Variants in ZFHX3 observed in about 807,000 individuals in gnomAD.
ZFHX3 encodes zinc finger homeobox protein 3.
Under a neutral mutation model 279.1 loss-of-function variants are expected in ZFHX3, and 42 were observed. The ratio of observed to expected loss-of-function variants is 0.15; its 90% CI spans 0.12 to 0.19. ZFHX3 has a LOEUF of 0.19. Ranked by LOEUF, ZFHX3 falls within the 10% of genes least tolerant of loss-of-function variation. The probability of loss-of-function intolerance (pLI) is 1.00; values close to 1 mark genes in which losing one functional copy is unlikely to be tolerated. For missense variants in ZFHX3, 4,981 were observed against 4,754.0 expected, an observed-to-expected ratio of 1.05 and a Z score of -1.40; for synonymous variants, 2,293 against 1,957.8, an observed-to-expected ratio of 1.17 and a Z score of -4.52.
intron 5 of ZFHX3, among the ~76,000 whole-genome samples, chr16:73,234,603 C>A (rs114565730): frequency 0.014 from 2,107 of 152,328 alleles, 56 homozygotes; most frequent in African/African-American, 0.049. Flanking sequence ...AGACAGCAGA[C>A]CACTTGAGGA....
At position 73,253,905 on chromosome 16, in the gene ZFHX3, G is replaced by A. The variant is rs141924817; in HGVS notation, c.-1104+3142C>T. Among the ~76,000 whole-genome samples the A allele has an allele frequency of 5.9e-3, 901 of 152,288 alleles. 31 individuals are homozygous for A. Among genetic ancestry groups the A allele is most frequent in the Admixed American group, 0.041 (635 of 15,302 alleles). On this transcript the variant is annotated intron_variant, in intron 5 of 17. Coordinates refer to the ZFHX3 transcript ENST00000641206. ...CTTAAAAGGCAGGTTAGAAATGCAA[G>A]AAGACTAAGAGAAAAAAAATTGCCT... is the stretch of plus-strand genomic sequence containing the variant.
chr16:72,991,145 T>C (rs1230536951), intron 1 of ZFHX3, among the ~76,000 whole-genome samples: 3 of 152,090 alleles, frequency 2.0e-5, no homozygotes, highest in African/African-American at 7.3e-5. Flanking sequence ...TACAGTACAG[T>C]AAGATATTCT....
At chr16:73,089,048 C>G (rs184758380) in intron 8 of ZFHX3, among the ~76,000 whole-genome samples, 8 of 151,844 alleles carry the variant, frequency 5.3e-5, no homozygotes, top group Admixed American at 2.6e-4. Flanking sequence ...CTCAGACAGA[C>G]ACTCACTTCC....
At position 73,026,684 on chromosome 16, in the gene ZFHX3, A is replaced by AAAAAAC. The variant is rs1964518981; in HGVS notation, c.-50+21067_-50+21068insGTTTTT. ...GAGCAAAACTGCCTCAAAAAAAAAA[A>AAAAAAC]AAAAAAAAAAACACATAGTAAAGGG... On this transcript the variant is annotated intron_variant, in intron 1 of 9. Coordinates refer to ENST00000268489, the MANE Select transcript of ZFHX3 (RefSeq NM_006885.4). Among the ~76,000 whole-genome samples, 4 of 151,672 alleles carry AAAAAAC rather than the reference A, an allele frequency of 2.6e-5. No homozygotes were observed. In the South Asian group the frequency reaches 8.3e-4, roughly 32 times the overall value.
At chr16:73,116,728 T>C (rs1172815491) in intron 7 of ZFHX3, among the ~76,000 whole-genome samples, 1 of 152,176 alleles carries the variant, frequency 6.6e-6, no homozygotes, top group African/African-American at 2.4e-5. Context: ...GAGAGGTTCT[T>C]TCCACCTGTG....
At chr16:72,940,826 T>G (rs1294938934) in intron 3 of ZFHX3, among the ~76,000 whole-genome samples, 1 of 152,210 alleles carries the variant, frequency 6.6e-6, no homozygotes, top group African/African-American at 2.4e-5. Context: ...GATAAACATT[T>G]CTAACCTTCT....
intron 1 of ZFHX3, among the ~76,000 whole-genome samples, chr16:73,786,354 T>G (rs9931913): frequency 0.097 from 14,707 of 152,174 alleles, 2,353 homozygotes; most frequent in African/African-American, 0.33. Context: ...TTCCCTCAAA[T>G]GTCTGGATAA....
Position 73,150,134 on chromosome 16 carries a change from G to A in ZFHX3, c.-1103-6303C>T, listed in dbSNP as rs368837217. On this transcript the variant is annotated intron_variant, in intron 5 of 17. Transcript: ENST00000641206. The stretch of plus-strand genomic sequence containing the variant: ...ACAGAAGAGTAGAACAGACACAACC[G>A]CAGATGCTGCTGGATGGAGGCTCCA... Among the ~76,000 whole-genome samples, 298 of 152,232 alleles carry A rather than the reference G, an allele frequency of 2.0e-3. 1 individual carries two copies. Among genetic ancestry groups the A allele is most frequent in the Non-Finnish European group, 3.5e-3 (238 of 68,018 alleles).
At chr16:73,712,147 T>C (rs1331031330) in intron 1 of ZFHX3, among the ~76,000 whole-genome samples, 2 of 152,184 alleles carry the variant, frequency 1.3e-5, no homozygotes, top group African/African-American at 4.8e-5. Flanking sequence ...CGGTTCATCA[T>C]GGGCCTTATT....
At position 72,875,170 on chromosome 16, in the gene ZFHX3, T is replaced by C. The variant is rs150296502; in HGVS notation, c.3448+14561A>G. Among the ~76,000 whole-genome samples the C allele has an allele frequency of 6.7e-4, 102 of 152,292 alleles. 1 individual carries two copies. Among genetic ancestry groups the C allele is most frequent in the Non-Finnish European group, 1.3e-3 (87 of 68,016 alleles). On this transcript the variant is annotated intron_variant, in intron 4 of 9. Transcript: ENST00000268489. ...CCCTTACTGGCTCAGGGAACTCCCA[T>C]AGAGAATTCCCATAGGGAACTCCCA...
At chr16:73,537,337 TTTTTA>T (rs1441571018) in intron 2 of ZFHX3, among the ~76,000 whole-genome samples, 5 of 146,592 alleles carry the variant, frequency 3.4e-5, no homozygotes, top group South Asian at 2.3e-4. Context: ...TTTTTTTTTT[TTTTTA>T]GTCTCACTCT....
chr16:72,933,813 CT>C (rs71391468), intron 3 of ZFHX3, among the ~76,000 whole-genome samples: 124 of 112,474 alleles, frequency 1.1e-3, no homozygotes, highest in South Asian at 1.8e-3. Flanking sequence ...TCACAACTTT[CT>C]TTTTTTTTTT....
In ZFHX3 at chr16:73,794,480, G is replaced by C. The variant is rs568128559; in HGVS notation, c.-1608+97171C>G. 4 of 152,248 alleles carry C rather than the reference G, an allele frequency of 2.6e-5. No individual in the cohort carries two copies. The South Asian group carries it at 8.3e-4, about 32-fold the overall frequency. 9.4% of individuals were successfully genotyped at this position (152,248 alleles called of 1,614,324 possible). ...ATGTCTAATAAGAACCACCCTAGAG[G>C]GTAAAAGACACTCAACACCTTTAGG... On this transcript the variant is annotated intron_variant, in intron 1 of 17. Transcript: ENST00000641206.
intron 2 of ZFHX3, among the ~76,000 whole-genome samples, chr16:73,543,385 G>T (rs1332048765): frequency 6.6e-6 from 1 of 152,196 alleles, no homozygotes; most frequent in Non-Finnish European, 1.5e-5. Context: ...GTTTCAATGG[G>T]AGGGATTAAT....
chr16:73,249,107 A>G (rs148549349), intron 5 of ZFHX3, among the ~76,000 whole-genome samples: 60 of 152,278 alleles, frequency 3.9e-4, no homozygotes, highest in Middle Eastern at 3.4e-3. Flanking sequence ...TTTCAGTTGC[A>G]TTATTGCCAC....
At chr16:73,346,441 A>C (rs2016125146) in intron 3 of ZFHX3, among the ~76,000 whole-genome samples, 1 of 152,172 alleles carries the variant, frequency 6.6e-6, no homozygotes, top group Admixed American at 6.5e-5. Flanking sequence ...AGATTGGCCA[A>C]AACAGCTATG....
At chr16:73,529,480 A>G (rs1336479187) in intron 2 of ZFHX3, among the ~76,000 whole-genome samples, 2 of 152,182 alleles carry the variant, frequency 1.3e-5, no homozygotes, top group African/African-American at 4.8e-5. Flanking sequence ...CAGGGAGGTT[A>G]CTGGCAGGTC....
chr16:73,700,380 G>A (rs944280009), intron 1 of ZFHX3, among the ~76,000 whole-genome samples: 1 of 152,162 alleles, frequency 6.6e-6, no homozygotes, highest in African/African-American at 2.4e-5. Context: ...AACCTTAATA[G>A]GGCTTTGCAA....
intron 4 of ZFHX3, among the ~76,000 whole-genome samples, chr16:72,848,672 C>T (rs2037538180): frequency 6.7e-6 from 1 of 149,566 alleles, no homozygotes; most frequent in African/African-American, 2.5e-5. Flanking sequence ...GGAACACCTC[C>T]TGGCCTGCCA....
Sources: allele counts gnomAD v4.1 joint callset (sites outside exome capture counted in the v4.1 genomes callset), GRCh38; gene constraint gnomAD v4.1.1; transcripts MANE v1.5; gene names NCBI Gene and HGNC (gene_info 2026-07-23, HGNC 2026-07-21).